ATP2C1: variants seen among roughly 807,000 people sequenced by gnomAD.
ATP2C1 encodes ATPase secretory pathway Ca2+ transporting 1.
ATP2C1 carries 31 observed loss-of-function variants against 120.5 expected under a neutral mutation model. The observed-to-expected ratio is 0.26, with a 90% CI of 0.19 to 0.35. The LOEUF (loss-of-function observed/expected upper bound fraction) is 0.35. Ranked by LOEUF, ATP2C1 falls within the 10% of genes least tolerant of loss-of-function variation. The pLI, the probability that ATP2C1 is intolerant of heterozygous loss-of-function variation, is 1.00. For missense variants in ATP2C1, 731 were observed against 1,107.5 expected, an observed-to-expected ratio of 0.66 and a Z score of 4.83; for synonymous variants, 351 against 358.7, an observed-to-expected ratio of 0.98 and a Z score of 0.24.
chr3:130,862,916 C>T (rs768518007), intron 1 of ATP2C1, among the ~76,000 whole-genome samples: 1 of 152,172 alleles, frequency 6.6e-6, no homozygotes, highest in Non-Finnish European at 1.5e-5. Context: ...AAAAAGAGTG[C>T]TCTCAAGCCA....
At chr3:130,898,286 T>C (rs754583550) in intron 2 of ATP2C1, among the ~76,000 whole-genome samples, 2 of 152,162 alleles carry the variant, frequency 1.3e-5, no homozygotes, top group Non-Finnish European at 2.9e-5. Flanking sequence ...TTGAAAATGG[T>C]TGTATTTACA....
intron 17 of ATP2C1, among the ~76,000 whole-genome samples, chr3:130,971,064 G>T (rs911982383): frequency 6.6e-6 from 1 of 152,120 alleles, no homozygotes. Context: ...TTCAGAAATT[G>T]CATTAAACTT....
chr3:130,967,494 G>C, intron 16 of ATP2C1, 75 bp downstream of exon 16: 1 of 1,245,172 alleles, frequency 8.0e-7, no homozygotes, highest in South Asian at 1.2e-5. Flanking sequence ...ATCAATTTCA[G>C]TATTACTGGT....
rs201337484 is a variant in ATP2C1, at chr3:130,970,369, T to TACACACACACAC, written c.1413+1000_1413+1011dup. Reference sequence around the variant, plus strand: ...GCAACAGCCTGTCTAAAAAAAAAATTACACACACACACACACACACACACA... The same window carrying TACACACACACAC: ...GCAACAGCCTGTCTAAAAAAAAAATTACACACACACACACACACACACACACACACACACACA... On this transcript the variant is annotated intron_variant, in intron 17 of 27. Transcript: ENST00000510168. 9.5e-3 allele frequency among the ~76,000 whole-genome samples: 1,239 copies of TACACACACACAC among 130,704 alleles called. 26 individuals are homozygous for TACACACACACAC. The highest frequency in any genetic ancestry group is 0.023 in the African/African-American group (799 of 34,196). The allele number at this position is 130,704 out of a possible 152,430, so 85.7% of individuals were successfully genotyped here.
chr3:130,962,586 T>G (rs1425368737), intron 12 of ATP2C1, among the ~76,000 whole-genome samples: 1 of 151,070 alleles, frequency 6.6e-6, no homozygotes, highest in Non-Finnish European at 1.5e-5. Context: ...AAATTTAGAG[T>G]GAAGTTTTTT....
chr3:130,927,463 G>C lies in ATP2C1; in HGVS notation c.7-2953G>C, dbSNP rs566317906. On this transcript the variant is annotated intron_variant, in intron 2 of 27. Transcript: ENST00000510168. ...TCATTATGTTAGCCAGGATGGTCTC[G>C]ATCTCCTGACCTTGTGAACCGCCCG... Among the ~76,000 whole-genome samples the C allele has an allele frequency of 6.6e-5, 10 of 152,072 alleles. No individual in the cohort carries two copies. In the South Asian group the frequency reaches 1.5e-3, roughly 22 times the overall value.
intron 2 of ATP2C1, among the ~76,000 whole-genome samples, chr3:130,905,805 A>G (rs2058094401): frequency 1.3e-5 from 2 of 152,078 alleles, no homozygotes; most frequent in African/African-American, 4.8e-5. Context: ...GCCAGACAGC[A>G]GTTAAAGGAC....
At chr3:130,854,341 C>T (rs886746105) in intron 1 of ATP2C1, 1 of 152,148 alleles carries the variant, frequency 6.6e-6, no homozygotes. Context: ...TGGTGGTGAA[C>T]GTTGGGCAGC....
intron 8 of ATP2C1, among the ~76,000 whole-genome samples, chr3:130,945,969 A>G (rs1009034918): frequency 4.6e-5 from 7 of 152,028 alleles, no homozygotes; most frequent in African/African-American, 1.4e-4. Context: ...AAGCCGAATA[A>G]TACATCGCTT....
At chr3:130,909,159 T>C (rs1216391722) in intron 2 of ATP2C1, among the ~76,000 whole-genome samples, 1 of 152,178 alleles carries the variant, frequency 6.6e-6, no homozygotes, top group Non-Finnish European at 1.5e-5. Flanking sequence ...CAAAGGTTAC[T>C]GATACATTTT....
chr3:130,877,315 A>C (rs1261399536), intron 1 of ATP2C1, among the ~76,000 whole-genome samples: 2 of 152,140 alleles, frequency 1.3e-5, no homozygotes, highest in African/African-American at 4.8e-5. Context: ...GGGGATTTAA[A>C]ATGTTTAAAA....
intron 1 of ATP2C1, among the ~76,000 whole-genome samples, chr3:130,882,525 T>A (rs1448089230): frequency 6.6e-6 from 1 of 152,182 alleles, no homozygotes; most frequent in African/African-American, 2.4e-5. Context: ...TTGAGATATG[T>A]TCCTTCTCTA....
chr3:130,972,379 G>A (rs1366655714), intron 17 of ATP2C1, among the ~76,000 whole-genome samples: 3 of 151,956 alleles, frequency 2.0e-5, no homozygotes, highest in Admixed American at 2.0e-4. Flanking sequence ...ACCTACTCCT[G>A]GACTTCATCT....
chr3:130,993,129 T>G, intron 21 of ATP2C1, 128 bp downstream of exon 21: 1 of 761,784 alleles, frequency 1.3e-6, no homozygotes, highest in Non-Finnish European at 2.2e-6. Flanking sequence ...ACAGTTTTTT[T>G]TTTTTGTAAG....
intron 2 of ATP2C1, among the ~76,000 whole-genome samples, chr3:130,919,873 T>C (rs993990361): frequency 4.6e-5 from 7 of 152,228 alleles, no homozygotes; most frequent in African/African-American, 1.7e-4. Flanking sequence ...TTTTGGTTTT[T>C]TGATAATAGT....
chr3:130,891,442 G>A (rs1175545679), upstream of ATP2C1, among the ~76,000 whole-genome samples: 2 of 152,100 alleles, frequency 1.3e-5, no homozygotes, highest in Non-Finnish European at 1.5e-5. Context: ...TCCCCCAAGC[G>A]GAAAAGCCTG....
rs2062954855 is a variant in ATP2C1 at position 131,002,847 on chromosome 3, G to A, written c.*1497G>A. On this transcript the variant is annotated 3_prime_UTR_variant, in exon 28 of 28. Transcript: ENST00000510168. ...TGTTACTGAGGCAGTTGAGTGTAAG[G>A]AGCTGGCTGCAGTTTATTCTACTTA... The A allele has an allele frequency of 6.1e-6, 6 of 985,732 alleles. No homozygotes were observed. Among genetic ancestry groups the A allele is most frequent in the Non-Finnish European group, 7.2e-6 (6 of 829,892 alleles). 61.1% of individuals were successfully genotyped at this position (985,732 alleles called of 1,614,324 possible). A position where few individuals can be genotyped will look rare whatever the true frequency, so the allele number is the denominator to read the frequency against.
chr3:130,913,789 A>G (rs2058557114), intron 2 of ATP2C1, among the ~76,000 whole-genome samples: 1 of 152,204 alleles, frequency 6.6e-6, no homozygotes, highest in Non-Finnish European at 1.5e-5. Context: ...TGACCTGACT[A>G]ATTTAAATAT....
chr3:130,858,976 G>A (rs2067931200), intron 1 of ATP2C1, among the ~76,000 whole-genome samples: 1 of 152,318 alleles, frequency 6.6e-6, no homozygotes, highest in Admixed American at 6.5e-5. Flanking sequence ...AAAATGAAAG[G>A]TAAAGAAATG....
Sources: gnomAD v4.1 joint callset for allele counts (sites outside exome capture counted in the v4.1 genomes callset) on GRCh38, gnomAD v4.1.1 for gene constraint, MANE v1.5 for transcripts, NCBI Gene and HGNC (gene_info 2026-07-23, HGNC 2026-07-21) for gene names.